The following NPHP4 variants were observed in gnomAD, a reference collection of about 807,000 sequenced individuals.
The protein encoded by NPHP4 is nephrocystin 4, also known as nephrocystin-4.
A neutral mutation model predicts 155.8 loss-of-function variants in NPHP4; 151 were observed. The ratio of observed to expected loss-of-function variants is 0.97; its 90% CI spans 0.85 to 1.11. NPHP4 has a LOEUF of 1.11. Ranked by LOEUF, NPHP4 falls within the 50% of genes least tolerant of loss-of-function variation. The pLI is 0.00. For synonymous variants in NPHP4, 845 were observed against 816.8 expected (o/e 1.03, Z -0.59); for missense variants, 1,956 against 1,925.7 (o/e 1.02, Z -0.29).
At chr1:5,873,979 C>T (rs1642280703) in intron 22 of NPHP4, 1 of 223,438 alleles carries the variant, frequency 4.5e-6, no homozygotes, top group Non-Finnish European at 8.9e-6. Flanking sequence ...CATATCGCCC[C>T]TGCACACACA....
At chr1:5,977,416 G>A (rs1463075638) in intron 3 of NPHP4, among the ~76,000 whole-genome samples, 1 of 152,064 alleles carries the variant, frequency 6.6e-6, no homozygotes, top group East Asian at 1.9e-4. Context: ...CAGCTTCGCA[G>A]AGAGGCCTCC....
At chr1:5,917,407 G>T (rs1172648097) in intron 11 of NPHP4, among the ~76,000 whole-genome samples, 1 of 152,092 alleles carries the variant, frequency 6.6e-6, no homozygotes. Context: ...GAGCTTAAAG[G>T]GGAGGGGAGG....
intron 6 of NPHP4, 26 bp from the exon 7 acceptor site, chr1:5,952,862 G>T (rs759260404): frequency 1.3e-6 from 2 of 1,578,438 alleles, no homozygotes; most frequent in South Asian, 2.3e-5. Context: ...TGCGAAAAGG[G>T]TCATCCTTGG....
At chr1:5,976,347 C>T (rs190021962) in intron 3 of NPHP4, among the ~76,000 whole-genome samples, 41 of 152,308 alleles carry the variant, frequency 2.7e-4, no homozygotes, top group Middle Eastern at 3.4e-3. Context: ...CCACGGGAAG[C>T]GCCTCCCGGT....
chr1:5,886,675 C>G lies in NPHP4; in HGVS notation c.2485+611G>C, dbSNP rs1260412349. ...CACCCAGCCTTGTGTCCCTTGACAC[C>G]CCATCAGCAGCCCCTATCCCAGCAT... is the stretch of plus-strand genomic sequence containing the variant. On this transcript the variant is annotated intron_variant, in intron 18 of 29. Coordinates refer to ENST00000378156, the MANE Select transcript of NPHP4 (RefSeq NM_015102.5). The G allele has an allele frequency of 2.6e-5, 4 of 152,358 alleles. No individual in the cohort carries two copies. In the East Asian group the frequency reaches 7.7e-4, roughly 29 times the overall value. 9.4% of individuals were successfully genotyped at this position (152,358 alleles called of 1,614,324 possible).
intron 3 of NPHP4, among the ~76,000 whole-genome samples, chr1:5,972,936 T>C (rs1309234918): frequency 6.6e-6 from 1 of 151,942 alleles, no homozygotes; most frequent in Non-Finnish European, 1.5e-5. Context: ...CAGGCTGGAG[T>C]GCAGTGGCGT....
Position 5,866,383 on chromosome 1 carries a change from T to C in NPHP4, c.3634A>G (p.Ile1212Val), listed in dbSNP as rs960080480. 8 of 1,605,602 alleles carry C rather than the reference T, an allele frequency of 5.0e-6. No individual in the cohort carries two copies. Among genetic ancestry groups the C allele is most frequent in the Admixed American group, 3.4e-5 (2 of 59,500 alleles). The change falls in exon 26 of 30, where the codon ATC (isoleucine) becomes GTC (valine). Residue 1212 changes from isoleucine (I) to valine (V), a missense_variant. Transcript: ENST00000378156. ...AGCCTGTGCACTTACGAGTAAATGA[T>C]GACAAAGAAGTCTTTGATCTCCGGG... ...PSPEIKDFFV[I>V]IYSDRWLATP...
rs1218737157 is a variant in NPHP4, at chr1:5,948,378, G to A, written c.811-127C>T. The A allele has an allele frequency of 4.4e-6, 3 of 676,130 alleles. No homozygotes were observed. In the Admixed American group the frequency reaches 8.8e-5, roughly 20 times the overall value. The allele number at this position is 676,130 out of a possible 1,614,324, so 41.9% of individuals were successfully genotyped here. On this transcript the variant is annotated intron_variant, in intron 7 of 29. Coordinates refer to ENST00000378156, the MANE Select transcript of NPHP4 (RefSeq NM_015102.5). ...AGTTGCAGATAACTGCAGATCAGAT[G>A]ATGCTTAGTCAAGATGAGTGCAAGC...
At chr1:5,926,438 G>T (rs1042785157) in intron 11 of NPHP4, among the ~76,000 whole-genome samples, 1 of 152,174 alleles carries the variant, frequency 6.6e-6, no homozygotes, top group Admixed American at 6.5e-5. Flanking sequence ...CTGCATCCAT[G>T]AATTCAACCA....
chr1:5,905,381 A>G lies in NPHP4; in HGVS notation c.1866T>C (p.Ala622=). The G allele has an allele frequency of 6.2e-7, 1 of 1,613,754 alleles. No individual in the cohort carries two copies. The highest frequency in any genetic ancestry group is 8.5e-7 in the Non-Finnish European group (1 of 1,179,648). The change falls in exon 15 of 30, where the codon GCT becomes GCC. Residue 622 remains alanine (A), a synonymous_variant. Coordinates refer to ENST00000378156, the MANE Select transcript of NPHP4 (RefSeq NM_015102.5). This position sits in a 1 kb window ranked among gnomAD's most constrained non-coding sequence, Gnocchi z 4.0. ...ANKQPAEAVS[A]TEPVTFNPQK... is the part of the protein sequence containing the mutation. ...GAGGGTTAAACGTCACAGGTTCTGTAGCGCTGACAGCCTCGGCTGGCTGTT... is the reference window on the plus strand; with the variant it reads ...GAGGGTTAAACGTCACAGGTTCTGTGGCGCTGACAGCCTCGGCTGGCTGTT...
At chr1:5,981,236 T>G (rs1207203150) in intron 2 of NPHP4, among the ~76,000 whole-genome samples, 1 of 152,154 alleles carries the variant, frequency 6.6e-6, no homozygotes, top group African/African-American at 2.4e-5. Flanking sequence ...CGTCGCTGGC[T>G]TGGGCTTCTT....
intron 6 of NPHP4, among the ~76,000 whole-genome samples, chr1:5,955,768 G>A (rs919348272): frequency 6.6e-6 from 1 of 152,184 alleles, no homozygotes; most frequent in South Asian, 2.1e-4. Context: ...GGTTGTCAAG[G>A]GGTCATGGTA....
intron 28 of NPHP4, 115 bp downstream of exon 28, chr1:5,864,223 G>C: frequency 3.4e-6 from 4 of 1,193,434 alleles, no homozygotes; most frequent in South Asian, 3.0e-5. Context: ...ACCCGGCCCT[G>C]CTGGGTCAGA....
At chr1:5,866,561 C>A in intron 25 of NPHP4, 103 bp from the exon 26 acceptor site, 1 of 704,542 alleles carries the variant, frequency 1.4e-6, no homozygotes, top group South Asian at 1.6e-5. Flanking sequence ...ACGGCCAGTC[C>A]CTCCCAGAAC....
At chr1:5,985,836 G>C (rs1298510605) in intron 2 of NPHP4, among the ~76,000 whole-genome samples, 1 of 152,226 alleles carries the variant, frequency 6.6e-6, no homozygotes, top group Non-Finnish European at 1.5e-5. Context: ...AAGTTCAAAT[G>C]CATTTAATAC....
chr1:5,987,929 T>C (rs186709502), intron 1 of NPHP4, among the ~76,000 whole-genome samples: 184 of 152,324 alleles, frequency 1.2e-3, no homozygotes, highest in African/African-American at 4.3e-3. Context: ...TTAAGAACAT[T>C]TGTATCCTCT....
intron 16 of NPHP4, among the ~76,000 whole-genome samples, chr1:5,891,252 C>T (rs935541929): frequency 6.6e-6 from 1 of 152,216 alleles, no homozygotes; most frequent in African/African-American, 2.4e-5. Context: ...ATAAACTCCT[C>T]CCAAAATAAG....
At chr1:5,868,646 G>A (rs1012881752) in intron 23 of NPHP4, among the ~76,000 whole-genome samples, 1 of 144,608 alleles carries the variant, frequency 6.9e-6, no homozygotes, top group Admixed American at 6.9e-5. Context: ...ACCCATGCAT[G>A]CACACACGCA....
rs1352564906 is a variant in NPHP4, at chr1:5,892,523, G to C, written c.2144-1495C>G. On this transcript the variant is annotated intron_variant, in intron 16 of 29. Coordinates refer to ENST00000378156, the MANE Select transcript of NPHP4 (RefSeq NM_015102.5). The surrounding 1 kb of genome is among the most constrained non-coding windows in gnomAD (Gnocchi z 4.5). The stretch of plus-strand genomic sequence containing the variant: ...GCGCAGTTATTTGTTTGCTGAGTAA[G>C]TGAATTAATGGTAGCATTGAAAGGC... Among the ~76,000 whole-genome samples the C allele has an allele frequency of 6.6e-6, 1 of 152,206 alleles. No homozygotes were observed. Among genetic ancestry groups the C allele is most frequent in the Non-Finnish European group, 1.5e-5 (1 of 68,038 alleles).
Sources: allele counts gnomAD v4.1 joint callset (sites outside exome capture counted in the v4.1 genomes callset), GRCh38; gene constraint gnomAD v4.1.1; non-coding constraint Gnocchi (gnomAD v3.1); transcripts MANE v1.5; gene names NCBI Gene and HGNC (gene_info 2026-07-23, HGNC 2026-07-21).